The following GART variants were observed in gnomAD, a reference collection of about 807,000 sequenced individuals.
GART encodes trifunctional purine biosynthetic protein adenosine-3.
GART carries 43 observed loss-of-function variants against 107.2 expected under a neutral mutation model. The observed-to-expected ratio is 0.40, with a 90% CI of 0.31 to 0.52. The LOEUF (loss-of-function observed/expected upper bound fraction) is 0.52. Ranked by LOEUF, GART falls within the 20% of genes least tolerant of loss-of-function variation. The pLI is 0.52. For synonymous variants in GART, 434 were observed against 427.0 expected, an observed-to-expected ratio of 1.02 and a Z score of -0.20; for missense variants, 1,107 against 1,206.5, an observed-to-expected ratio of 0.92 and a Z score of 1.22.
intron 16 of GART, among the ~76,000 whole-genome samples, chr21:33,514,814 T>C (rs2084847342): frequency 6.6e-6 from 1 of 152,162 alleles, no homozygotes; most frequent in African/African-American, 2.4e-5. Context: ...GCCTGGCCTG[T>C]CTGTTTTGCT....
Position 33,534,637 on chromosome 21 carries a change from G to A in GART, c.358C>T (p.Pro120Ser), listed in dbSNP as rs1349627509. ...AKEFMDRHGI[P>S]TAQWKAFTKP... Reference sequence around the variant, plus strand: ...GTGAAAGCCTTCCATTGTGCGGTTGGGATTCCATGTCTGTCCATAAACTCT... The same window carrying A: ...GTGAAAGCCTTCCATTGTGCGGTTGAGATTCCATGTCTGTCCATAAACTCT... The change falls in exon 4 of 22, where the codon CCA (proline) becomes TCA (serine). Residue 120 changes from proline (P) to serine (S), a missense_variant. Pro to Ser is a moderately conservative substitution (Grantham distance 74, BLOSUM62 -1). Transcript: ENST00000381815. The A allele has an allele frequency of 1.9e-6, 3 of 1,614,004 alleles. No individual in the cohort carries two copies. The highest frequency in any genetic ancestry group is 1.3e-5 in the African/African-American group (1 of 74,910).
Position 33,528,609 on chromosome 21 carries a change from A to G in GART, c.812-5T>C, listed in dbSNP as rs750545282. ...TTATTCCAGCATAGAGAATACCTTC[A>G]TTAAAAAAGAAAAAAAAAAAAAAGA... On this transcript the variant is annotated splice_polypyrimidine_tract_variant and splice_region_variant and intron_variant, in intron 8 of 21. Coordinates refer to ENST00000381815, the MANE Select transcript of GART (RefSeq NM_000819.5). 9 of 1,407,584 alleles carry G rather than the reference A, an allele frequency of 6.4e-6. No homozygotes were observed. The allele number at this position is 1,407,584 out of a possible 1,614,324, so 87.2% of individuals were successfully genotyped here.
chr21:33,509,606 G>A, intron 18 of GART, 177 bp downstream of exon 18: 1 of 503,554 alleles, frequency 2.0e-6, no homozygotes, highest in Non-Finnish European at 3.2e-6. Flanking sequence ...TTTGGGAGCT[G>A]TCTCAAATTC....
intron 6 of GART, 107 bp from the exon 7 acceptor site, chr21:33,530,991 T>C: frequency 8.9e-7 from 1 of 1,121,748 alleles, no homozygotes. Context: ...AGGAAAAGTT[T>C]GTTTTTTTTT....
chr21:33,535,229 A>G lies in GART; in HGVS notation c.237T>C (p.Ala79=). Residue 79 remains alanine, a synonymous_variant, in exon 3 of 22, where the codon GCT becomes GCC. Coordinates refer to ENST00000381815, the MANE Select transcript of GART (RefSeq NM_000819.5). ...ATAAACAGAAACAAACTTTACCAGC[A>G]GCCAGAGGTGCTTCTGGTCCAACAA... ...FVVVGPEAPL[A]AGIVGNLRSA... 6.4e-7 allele frequency: 1 copy of G among 1,572,958 alleles called. No individual in the cohort carries two copies. The highest frequency in any genetic ancestry group is 1.2e-5 in the South Asian group (1 of 84,570).
At position 33,504,421 on chromosome 21, in the gene GART, G is replaced by A. The variant is rs768315453; in HGVS notation, c.2832C>T (p.His944=). 1.9e-6 allele frequency: 3 copies of A among 1,613,560 alleles called. No homozygotes were observed. Among genetic ancestry groups the A allele is most frequent in the Non-Finnish European group, 2.5e-6 (3 of 1,179,622 alleles). ...AAAAAGACATACTCACAGCTACAAA[G>A]TGTACAGTGCACCCAGTAACTGTGA... The part of the protein sequence containing the change: ...TGVTVTGCTV[H]FVAEDVDAGQ... Residue 944 remains histidine (H), a synonymous_variant, in exon 21 of 22, where the codon CAC becomes CAT. Transcript: ENST00000381815.
Position 33,517,105 on chromosome 21 carries a change from T to G in GART, c.1991A>C (p.His664Pro), listed in dbSNP as rs1162712828. Reference protein sequence around the residue: ...LLLTPTRIYSHSLLPVLRSGH... With the variant: ...LLLTPTRIYSPSLLPVLRSGH... Reference sequence around the variant, plus strand: ...TGAACGTAGGACAGGTAACAGTGAATGGCTGTAGATTCTGGTAGGCGTGAG... The same window carrying G: ...TGAACGTAGGACAGGTAACAGTGAAGGGCTGTAGATTCTGGTAGGCGTGAG... Residue 664 changes from histidine to proline, a missense_variant, in exon 16 of 22, where the codon CAT (histidine) becomes CCT (proline). His to Pro is a moderately conservative substitution (Grantham distance 77). Transcript: ENST00000381815. 1 of 1,612,740 alleles carries G rather than the reference T, an allele frequency of 6.2e-7. No homozygotes were observed. The highest frequency in any genetic ancestry group is 1.3e-5 in the African/African-American group (1 of 74,972).
At chr21:33,522,087 C>G (rs2084983884) in intron 12 of GART, 101 bp downstream of exon 12, 1 of 853,816 alleles carries the variant, frequency 1.2e-6, no homozygotes, top group Non-Finnish European at 1.9e-6. Flanking sequence ...CTTACAGTAA[C>G]CAAGCATTGC....
At chr21:33,508,568 A>G (rs1236229709) in intron 18 of GART, among the ~76,000 whole-genome samples, 1 of 127,990 alleles carries the variant, frequency 7.8e-6, no homozygotes, top group Non-Finnish European at 1.5e-5. Flanking sequence ...TCCAGGCTGG[A>G]GTACAGTGGT....
intron 16 of GART, among the ~76,000 whole-genome samples, chr21:33,512,366 T>G (rs1282758496): frequency 1.3e-5 from 2 of 151,752 alleles, no homozygotes; most frequent in Non-Finnish European, 2.9e-5. Flanking sequence ...ATAAAAATTT[T>G]TAGGTAAAGG....
chr21:33,539,304 T>G lies in GART; in HGVS notation c.12A>C (p.Arg4=). 1 of 1,613,164 alleles carries G rather than the reference T, an allele frequency of 6.2e-7. No homozygotes were observed. The change falls in exon 2 of 22, where the codon CGA becomes CGC. Residue 4 remains arginine (R), a synonymous_variant. Coordinates refer to ENST00000381815, the MANE Select transcript of GART (RefSeq NM_000819.5). MAA[R]VLIIGSGGRE... is the part of the protein sequence containing the mutation. ...TTCCTCCACTGCCAATTATAAGTAC[T>G]CGGGCTGCCATTGTTCTGTCTGTAA...
intron 17 of GART, among the ~76,000 whole-genome samples, chr21:33,510,791 A>C (rs1866799812): frequency 6.6e-6 from 1 of 151,950 alleles, no homozygotes; most frequent in Non-Finnish European, 1.5e-5. Flanking sequence ...TATTTTTGTG[A>C]ATCTTCTCTG....
intron 11 of GART, among the ~76,000 whole-genome samples, chr21:33,523,718 G>T (rs1344038695): frequency 6.6e-6 from 1 of 152,120 alleles, no homozygotes; most frequent in African/African-American, 2.4e-5. Flanking sequence ...TGTAATCCCA[G>T]TACTTGGTGA....
At position 33,524,906 on chromosome 21, in the gene GART, A is replaced by G; in HGVS notation, c.1161T>C (p.Leu387=). 1 of 1,614,192 alleles carries G rather than the reference A, an allele frequency of 6.2e-7. No homozygotes were observed. The highest frequency in any genetic ancestry group is 8.5e-7 in the Non-Finnish European group (1 of 1,180,048). ...GATTTTCCCGGATGGCTGTGACTGC[A>G]AGAACTCTACCCCCATGAGTTACTA... ...GKVVTHGGRV[L]AVTAIRENLI... The change falls in exon 11 of 22, where the codon CTT becomes CTC. Residue 387 remains leucine, a synonymous_variant. Transcript: ENST00000381815.
At chr21:33,517,641 A>G (rs1174382450) in intron 14 of GART, 33 bp from the exon 15 acceptor site, 1 of 1,611,028 alleles carries the variant, frequency 6.2e-7, no homozygotes, top group Non-Finnish European at 8.5e-7. Flanking sequence ...AAGAAATCAG[A>G]GTATTTATAA....
At chr21:33,505,205 C>T (rs945280663) in intron 20 of GART, among the ~76,000 whole-genome samples, 8 of 152,176 alleles carry the variant, frequency 5.3e-5, no homozygotes, top group Admixed American at 6.5e-5. Context: ...GAATCACTCT[C>T]TTTTGCTTCC....
chr21:33,534,918 C>T (rs2085275078), intron 3 of GART, among the ~76,000 whole-genome samples, 165 bp from the exon 4 acceptor site: 1 of 152,142 alleles, frequency 6.6e-6, no homozygotes, highest in South Asian at 2.1e-4. Context: ...AGATAAAATG[C>T]TATTAACATG....
chr21:33,528,096 TGA>T, intron 10 of GART, 69 bp downstream of exon 10: 1 of 1,415,604 alleles, frequency 7.1e-7, no homozygotes, highest in Non-Finnish European at 9.9e-7. Flanking sequence ...AGCCTTAGTG[TGA>T]GAGGGGGGTC....
In GART at chr21:33,534,625, A is replaced by G; in HGVS notation, c.370T>C (p.Trp124Arg). 1 of 1,614,180 alleles carries G rather than the reference A, an allele frequency of 6.2e-7. No individual in the cohort carries two copies. The highest frequency in any genetic ancestry group is 8.5e-7 in the Non-Finnish European group (1 of 1,180,022). ...MDRHGIPTAQWKAFTKPEEAC... is the reference protein window; with the variant it reads ...MDRHGIPTAQRKAFTKPEEAC... The stretch of plus-strand genomic sequence containing the variant: ...TCTTCAGGTTTGGTGAAAGCCTTCC[A>G]TTGTGCGGTTGGGATTCCATGTCTG... Residue 124 changes from tryptophan (W) to arginine (R), a missense_variant, in exon 4 of 22, where the codon TGG (tryptophan) becomes CGG (arginine). Transcript: ENST00000381815.
Sources: gnomAD v4.1 joint callset for allele counts (sites outside exome capture counted in the v4.1 genomes callset) on GRCh38, gnomAD v4.1.1 for gene constraint, MANE v1.5 for transcripts, NCBI Gene and HGNC (gene_info 2026-07-23, HGNC 2026-07-21) for gene names.